TRMT11: variants seen among roughly 807,000 people sequenced by gnomAD.
The protein encoded by TRMT11 is tRNA methyltransferase 11.
Under a neutral mutation model 62.8 loss-of-function variants are expected in TRMT11, and 53 were observed. The ratio of observed to expected loss-of-function variants is 0.84; its 90% CI spans 0.68 to 1.06. The LOEUF (loss-of-function observed/expected upper bound fraction) is 1.06. Among genes scored for constraint, TRMT11 ranks in the 50% least tolerant of loss-of-function variants. The pLI, the probability that TRMT11 is intolerant of heterozygous loss-of-function variation, is 0.00. For missense variants in TRMT11, 556 were observed against 553.4 expected (o/e 1.00, Z -0.05); for synonymous variants, 188 against 190.3 (o/e 0.99, Z 0.10).
chr6:126,094,343 A>T (rs944309568), intron 17 of TRMT11, among the ~76,000 whole-genome samples: 7 of 152,338 alleles, frequency 4.6e-5, no homozygotes, highest in Admixed American at 2.6e-4. Flanking sequence ...GTGTTCTTTT[A>T]GAAAAAGAAT....
At position 126,193,488 on chromosome 6, in the gene TRMT11, G is replaced by GTTTTTTTTTTTTTTTTTTTTTT. The variant is rs1778627491; in HGVS notation, n.144-5310_144-5309insTTTTTTTTTTTTTTTTTTTTTT. On this transcript the variant is annotated intron_variant and non_coding_transcript_variant, in intron 1 of 3. Transcript: ENST00000444229. ...TAGGTTATTTAAGAGGAGCGTTTCT[G>GTTTTTTTTTTTTTTTTTTTTTT]TATTTTTTTTTTTTTTTTTTTTTTT... Among the ~76,000 whole-genome samples, 30 of 118,124 alleles carry GTTTTTTTTTTTTTTTTTTTTTT rather than the reference G, an allele frequency of 2.5e-4. 2 individuals carry two copies. The highest frequency in any genetic ancestry group is 1.0e-3 in the African/African-American group (28 of 26,892). 77.5% of individuals were successfully genotyped at this position (118,124 alleles called of 152,430 possible).
intron 17 of TRMT11, among the ~76,000 whole-genome samples, chr6:126,096,682 C>A (rs1333842963): frequency 1.3e-5 from 2 of 151,832 alleles, no homozygotes; most frequent in Non-Finnish European, 2.9e-5. Flanking sequence ...ATCTTTGTAT[C>A]CCCCGTAGTC....
At chr6:126,186,837 G>A (rs1778533301) in intron 1 of TRMT11, among the ~76,000 whole-genome samples, 1 of 151,850 alleles carries the variant, frequency 6.6e-6, no homozygotes, top group Non-Finnish European at 1.5e-5. Context: ...ATGAAGTGCT[G>A]GGTAAAATTA....
intron 21 of TRMT11, among the ~76,000 whole-genome samples, chr6:126,171,162 G>C (rs1201134961): frequency 6.6e-6 from 1 of 152,108 alleles, no homozygotes; most frequent in Non-Finnish European, 1.5e-5. Context: ...TTTATTCTGG[G>C]GAGGCCATAA....
At chr6:126,084,227 C>G (rs1308116586) in intron 17 of TRMT11, among the ~76,000 whole-genome samples, 10 of 152,040 alleles carry the variant, frequency 6.6e-5, no homozygotes, top group Non-Finnish European at 1.5e-5. Flanking sequence ...TAAGAGTTCC[C>G]TTTTTTCCAA....
intron 21 of TRMT11, among the ~76,000 whole-genome samples, chr6:126,122,757 T>G (rs566688604): frequency 6.6e-6 from 1 of 152,104 alleles, no homozygotes; most frequent in African/African-American, 2.4e-5. Context: ...TATCTTTGGG[T>G]TTTAATTATG....
chr6:126,108,727 A>G (rs939629290), intron 17 of TRMT11, among the ~76,000 whole-genome samples: 2 of 152,194 alleles, frequency 1.3e-5, no homozygotes, highest in African/African-American at 4.8e-5. Context: ...ATGGGAAGAA[A>G]TAAGGTTAAA....
At chr6:126,151,907 C>T (rs375516405) in intron 21 of TRMT11, among the ~76,000 whole-genome samples, 3 of 51,334 alleles carry the variant, frequency 5.8e-5, no homozygotes, top group African/African-American at 3.7e-4. Context: ...TTTCTTTTCT[C>T]TTTCTTTCTT....
At chr6:126,183,337 A>G (rs1320037073) in intron 1 of TRMT11, among the ~76,000 whole-genome samples, 1 of 152,138 alleles carries the variant, frequency 6.6e-6, no homozygotes, top group Non-Finnish European at 1.5e-5. Flanking sequence ...AAAAGTACTG[A>G]GAGCAAAAGT....
intron 3 of TRMT11, among the ~76,000 whole-genome samples, chr6:126,200,617 C>T (rs907889581): frequency 1.3e-5 from 2 of 152,182 alleles, no homozygotes; most frequent in Non-Finnish European, 2.9e-5. Context: ...TGCAGTGGCA[C>T]AATCTCGGCT....
chr6:126,193,188 G>A (rs1370142311), intron 1 of TRMT11, among the ~76,000 whole-genome samples: 2 of 151,694 alleles, frequency 1.3e-5, no homozygotes, highest in African/African-American at 2.4e-5. Context: ...ATTTATTTTA[G>A]GTTTTCCAAT....
At chr6:126,153,579 TTAAA>T in intron 21 of TRMT11, among the ~76,000 whole-genome samples, 4 of 152,358 alleles carry the variant, frequency 2.6e-5, no homozygotes, top group Admixed American at 2.6e-4. Flanking sequence ...AAGCCATTCT[TTAAA>T]AAATTCTGCC....
In TRMT11 at chr6:125,998,063, G is replaced by C; in HGVS notation, c.223G>C (p.Glu75Gln). The change falls in exon 4 of 13, where the codon GAA (glutamate) becomes CAA (glutamine). Residue 75 changes from glutamate to glutamine, a missense_variant. By Grantham distance (29) the Glu-to-Gln change is conservative. Transcript: ENST00000334379. ...TCATTTATTTCCTAGGTCTATATTT[G>C]AACTATGGGGTCATGGACAATCTCC... Reference protein sequence around the residue: ...KRTVCAKSIFELWGHGQSPEE... With the variant: ...KRTVCAKSIFQLWGHGQSPEE... 1.2e-6 allele frequency: 2 copies of C among 1,611,344 alleles called. No homozygotes were observed. The highest frequency in any genetic ancestry group is 1.7e-6 in the Non-Finnish European group (2 of 1,178,156).
chr6:126,108,919 G>A (rs1416677321), intron 17 of TRMT11, among the ~76,000 whole-genome samples: 1 of 152,050 alleles, frequency 6.6e-6, no homozygotes, highest in Non-Finnish European at 1.5e-5. Context: ...GGAATTAATC[G>A]TTTGGTAATT....
intron 1 of TRMT11, among the ~76,000 whole-genome samples, chr6:126,198,363 TAA>T (rs761551288): frequency 5.3e-5 from 8 of 152,302 alleles, no homozygotes; most frequent in Non-Finnish European, 8.8e-5. Flanking sequence ...AGAATATATA[TAA>T]GAGTGTTTTC....
At chr6:126,090,011 G>T (rs976674685) in intron 17 of TRMT11, among the ~76,000 whole-genome samples, 2 of 152,174 alleles carry the variant, frequency 1.3e-5, no homozygotes, top group African/African-American at 4.8e-5. Flanking sequence ...CATGTTGTCT[G>T]CTCCACCTGG....
intron 12 of TRMT11, among the ~76,000 whole-genome samples, chr6:126,036,578 G>T (rs1366058594): frequency 6.6e-6 from 1 of 152,070 alleles, no homozygotes; most frequent in Non-Finnish European, 1.5e-5. Flanking sequence ...TTTGATGACT[G>T]GATGGGGAAC....
At chr6:126,263,210 T>C in the TRMT11 span, among the ~76,000 whole-genome samples, 1 of 152,208 alleles carries the variant, frequency 6.6e-6, no homozygotes, top group Non-Finnish European at 1.5e-5. Flanking sequence ...TTATCTGCTC[T>C]TGGGTTTCCA....
chr6:125,989,396 T>A (rs1307726654), intron 1 of TRMT11, among the ~76,000 whole-genome samples: 1 of 152,146 alleles, frequency 6.6e-6, no homozygotes, highest in Non-Finnish European at 1.5e-5. Context: ...ATTACAGGCA[T>A]GAGCCACTGC....
Sources: allele counts gnomAD v4.1 joint callset (sites outside exome capture counted in the v4.1 genomes callset), GRCh38; gene constraint gnomAD v4.1.1; transcripts MANE v1.5; gene names NCBI Gene and HGNC (gene_info 2026-07-23, HGNC 2026-07-21).